Variants in COPS4 observed in about 807,000 individuals in gnomAD.
COPS4 encodes the protein COP9 signalosome complex subunit 4.
Under a neutral mutation model 55.1 loss-of-function variants are expected in COPS4, and 8 were observed. That is an observed-to-expected ratio of 0.15 (90% confidence interval 0.09 to 0.26). The LOEUF is 0.26. Among genes scored for constraint, COPS4 ranks in the 10% least tolerant of loss-of-function variants. The pLI is 1.00. For missense variants in COPS4, 248 were observed against 484.0 expected (o/e 0.51, Z 4.58); for synonymous variants, 185 against 165.7 (o/e 1.12, Z -0.90).
intron 4 of COPS4, among the ~76,000 whole-genome samples, chr4:83,054,446 C>T (rs969185179): frequency 6.6e-6 from 1 of 152,168 alleles, no homozygotes; most frequent in Admixed American, 6.5e-5. Flanking sequence ...TTAATATTTG[C>T]AATAGTGAGG....
At chr4:83,038,262 A>T (rs1300373694) in intron 1 of COPS4, among the ~76,000 whole-genome samples, 5 of 152,376 alleles carry the variant, frequency 3.3e-5, no homozygotes, top group African/African-American at 1.2e-4. Flanking sequence ...GAAGCACAAC[A>T]TTACTTACAT....
rs1731298147 is a variant in COPS4, at chr4:83,066,537, A to G, written c.986A>G (p.Glu329Gly). 1.3e-6 allele frequency: 2 copies of G among 1,562,236 alleles called. No homozygotes were observed. The highest frequency in any genetic ancestry group is 2.7e-5 in the African/African-American group (2 of 73,472). Residue 329 changes from glutamate (E) to glycine (G), a missense_variant, in exon 8 of 10, where the codon GAG (glutamate) becomes GGG (glycine). By Grantham distance (98) the Glu-to-Gly change is moderately conservative (BLOSUM62 -2). Coordinates refer to ENST00000264389, the MANE Select transcript of COPS4 (RefSeq NM_016129.3). Reference protein sequence around the residue: ...ITFEELGALLEIPAAKAEKIA... With the variant: ...ITFEELGALLGIPAAKAEKIA... ...TTCGAAGAACTTGGAGCTCTTTTAGAGATCCCTGCAGCTAAGGTATCTTCT... is the reference window on the plus strand; with the variant it reads ...TTCGAAGAACTTGGAGCTCTTTTAGGGATCCCTGCAGCTAAGGTATCTTCT...
intron 6 of COPS4, among the ~76,000 whole-genome samples, chr4:83,058,795 C>CT (rs200350148): frequency 0.012 from 1,828 of 152,272 alleles, 46 homozygotes; most frequent in African/African-American, 0.041. Context: ...AGTCACAACA[C>CT]TATAGTGATT....
At chr4:83,054,362 C>CAA (rs757150207) in intron 4 of COPS4, among the ~76,000 whole-genome samples, 5 of 151,910 alleles carry the variant, frequency 3.3e-5, no homozygotes, top group African/African-American at 4.8e-5. Context: ...CAAAACAAAA[C>CAA]AAAACAAAAA....
At chr4:83,062,430 C>G (rs1033308888) in intron 6 of COPS4, among the ~76,000 whole-genome samples, 1 of 152,334 alleles carries the variant, frequency 6.6e-6, no homozygotes, top group African/African-American at 2.4e-5. Context: ...TCAATACTTG[C>G]AGCACTTCCA....
At chr4:83,049,407 A>T in intron 3 of COPS4, 90 bp downstream of exon 3, 1 of 1,171,828 alleles carries the variant, frequency 8.5e-7, no homozygotes, top group Non-Finnish European at 1.2e-6. Context: ...GGAGATAATC[A>T]TCCAATTTCA....
chr4:83,039,333 C>A (rs1578701155), intron 1 of COPS4, among the ~76,000 whole-genome samples: 2 of 152,178 alleles, frequency 1.3e-5, no homozygotes, highest in South Asian at 4.1e-4. Flanking sequence ...GTGACAGCAG[C>A]AGGGTTCCAA....
intron 6 of COPS4, among the ~76,000 whole-genome samples, chr4:83,059,547 A>G (rs1453175464): frequency 6.6e-6 from 1 of 152,202 alleles, no homozygotes; most frequent in African/African-American, 2.4e-5. Context: ...GACCCATTAC[A>G]TATAAACATA....
intron 6 of COPS4, among the ~76,000 whole-genome samples, chr4:83,061,405 C>G (rs1349234881): frequency 6.6e-6 from 1 of 152,074 alleles, no homozygotes; most frequent in African/African-American, 2.4e-5. Flanking sequence ...TATTAGCCTT[C>G]TTATTTTTTT....
chr4:83,042,488 T>G (rs1167519261), intron 1 of COPS4, among the ~76,000 whole-genome samples: 1 of 151,486 alleles, frequency 6.6e-6, no homozygotes, highest in East Asian at 1.9e-4. Context: ...GTAGCCACAG[T>G]GCTGTACCTC....
intron 1 of COPS4, among the ~76,000 whole-genome samples, chr4:83,037,470 T>G (rs545726086): frequency 6.6e-6 from 1 of 152,358 alleles, no homozygotes; most frequent in South Asian, 2.1e-4. Context: ...GCTTGATAAC[T>G]GATAGCCAGT....
intron 6 of COPS4, among the ~76,000 whole-genome samples, chr4:83,059,549 A>G (rs7662402): frequency 0.26 from 39,141 of 152,112 alleles, 5,326 homozygotes; most frequent in East Asian, 0.5. Flanking sequence ...CCCATTACAT[A>G]TAAACATAAA....
At chr4:83,045,455 T>TG in intron 1 of COPS4, 171 bp from the exon 2 acceptor site, 1 of 456,396 alleles carries the variant, frequency 2.2e-6, no homozygotes, top group East Asian at 3.2e-5. Context: ...TAATATCTCT[T>TG]GTGATAGACT....
At chr4:83,069,775 G>A (rs1286737555) in intron 9 of COPS4, among the ~76,000 whole-genome samples, 1 of 152,000 alleles carries the variant, frequency 6.6e-6, no homozygotes, top group Non-Finnish European at 1.5e-5. Context: ...ATATAGATGT[G>A]AATCTTTTTC....
Position 83,060,596 on chromosome 4 carries a change from G to C in COPS4, c.716-2480G>C, listed in dbSNP as rs78811339. Among the ~76,000 whole-genome samples the C allele has an allele frequency of 6.6e-3, 1,004 of 151,612 alleles. 28 individuals carry two copies. The East Asian group carries it at 0.087, about 13-fold the overall frequency. On this transcript the variant is annotated intron_variant, in intron 6 of 9. Transcript: ENST00000264389. ...GCTGGGATTAAAGGCATGAGCCACC[G>C]TGCCCGGCCGACAGATGGTATAGTT...
intron 4 of COPS4, among the ~76,000 whole-genome samples, chr4:83,050,650 TGCAAAG>T (rs1730867563): frequency 1.3e-5 from 2 of 152,062 alleles, no homozygotes; most frequent in South Asian, 4.1e-4. Context: ...AGATGGCTAG[TGCAAAG>T]GCCCTAAGAT....
At position 83,063,140 on chromosome 4, in the gene COPS4, C is replaced by A. The variant is rs1042526172; in HGVS notation, c.780C>A (p.Ala260=). 6.2e-7 allele frequency: 1 copy of A among 1,608,018 alleles called. No individual in the cohort carries two copies. The highest frequency in any genetic ancestry group is 1.3e-5 in the African/African-American group (1 of 74,458). The change falls in exon 7 of 10, where the codon GCC becomes GCA. Residue 260 remains alanine, a synonymous_variant. Coordinates refer to ENST00000264389, the MANE Select transcript of COPS4 (RefSeq NM_016129.3). ...FKDERCQQLA[A]YGILEKMYLD... ...ATGAAAGGTGCCAGCAACTTGCTGC[C>A]TATGGGATCCTAGAGAAAATGTATC...
chr4:83,075,210 G>A, intron 9 of COPS4, 87 bp from the exon 10 acceptor site: 1 of 1,162,448 alleles, frequency 8.6e-7, no homozygotes, highest in South Asian at 1.5e-5. Flanking sequence ...CCAAGAATAG[G>A]CATGTAAAAA....
chr4:83,037,670 G>A (rs779462277), intron 1 of COPS4, among the ~76,000 whole-genome samples: 8 of 151,836 alleles, frequency 5.3e-5, no homozygotes, highest in Non-Finnish European at 1.2e-4. Flanking sequence ...ATTTTTTCTT[G>A]TATGTACTTT....
Sources: allele counts gnomAD v4.1 joint callset (sites outside exome capture counted in the v4.1 genomes callset), GRCh38; gene constraint gnomAD v4.1.1; transcripts MANE v1.5; gene names NCBI Gene and HGNC (gene_info 2026-07-23, HGNC 2026-07-21).